CIT: variants seen among roughly 807,000 people sequenced by gnomAD.
CIT encodes citron Rho-interacting kinase.
CIT carries 79 observed loss-of-function variants against 272.7 expected under a neutral mutation model. That is an observed-to-expected ratio of 0.29 (90% confidence interval 0.24 to 0.35). The LOEUF is 0.35. Ranked by LOEUF, CIT falls within the 10% of genes least tolerant of loss-of-function variation. CIT has a pLI of 1.00. For missense variants in CIT, 1,909 were observed against 2,618.3 expected, an observed-to-expected ratio of 0.73 and a Z score of 5.91; for synonymous variants, 948 against 995.6, an observed-to-expected ratio of 0.95 and a Z score of 0.90.
intron 37 of CIT, chr12:119,711,079 AAC>A (rs1318420835): frequency 1.5e-6 from 2 of 1,366,836 alleles, no homozygotes; most frequent in South Asian, 1.1e-5. Flanking sequence ...GCTCGTAAGA[AAC>A]ACAGTCGCGG....
intron 20 of CIT, 72 bp downstream of exon 20, chr12:119,760,867 T>C: frequency 1.0e-6 from 1 of 962,174 alleles, no homozygotes; most frequent in Non-Finnish European, 1.7e-6. Flanking sequence ...AATAGAGTCT[T>C]ATCAGGGGTG....
intron 23 of CIT, among the ~76,000 whole-genome samples, chr12:119,746,513 T>C (rs1329239911): frequency 6.6e-6 from 1 of 152,182 alleles, no homozygotes; most frequent in African/African-American, 2.4e-5. Context: ...AAAGCATAAG[T>C]GGTGACCATA....
rs192590723 is a variant in CIT at position 119,817,557 on chromosome 12, G to A, written c.1111+5263C>T. ...TGGTTCAGTAAACTAGTGAGGGGAG[G>A]CCTACGAAGCATTAAACTTCCCACC... is the stretch of plus-strand genomic sequence containing the variant. On this transcript the variant is annotated intron_variant, in intron 9 of 47. Coordinates refer to ENST00000392521, the MANE Select transcript of CIT (RefSeq NM_001206999.2). 2.9e-3 allele frequency among the ~76,000 whole-genome samples: 444 copies of A among 151,650 alleles called. 3 individuals carry two copies. The highest frequency in any genetic ancestry group is 2.9e-3 in the Non-Finnish European group (195 of 67,872).
chr12:119,698,211 C>T (rs966263276), intron 44 of CIT, 157 bp from the exon 45 acceptor site: 16 of 675,172 alleles, frequency 2.4e-5, no homozygotes, highest in South Asian at 2.0e-4. Flanking sequence ...CATGCATGTT[C>T]GAGGATATTC....
chr12:119,759,457 C>T lies in CIT; in HGVS notation c.2422-757G>A, dbSNP rs954415273. Among the ~76,000 whole-genome samples, 5 of 152,248 alleles carry T rather than the reference C, an allele frequency of 3.3e-5. No individual in the cohort carries two copies. In the East Asian group the frequency reaches 5.8e-4, roughly 18 times the overall value. Reference sequence around the variant, plus strand: ...GGTCAGGAATTCCAGACCAGCCTGGCCAACATGGAGAAATGCTGTCTTTAC... The same window carrying T: ...GGTCAGGAATTCCAGACCAGCCTGGTCAACATGGAGAAATGCTGTCTTTAC... On this transcript the variant is annotated intron_variant, in intron 20 of 47. Coordinates refer to ENST00000392521, the MANE Select transcript of CIT (RefSeq NM_001206999.2).
At chr12:119,754,330 C>T (rs1278385594) in intron 22 of CIT, among the ~76,000 whole-genome samples, 2 of 152,192 alleles carry the variant, frequency 1.3e-5, no homozygotes, top group African/African-American at 4.8e-5. Context: ...CCTGCAACAT[C>T]CCTACGTGTC....
At chr12:119,757,003 C>T (rs1961074128) in intron 22 of CIT, among the ~76,000 whole-genome samples, 1 of 151,948 alleles carries the variant, frequency 6.6e-6, no homozygotes, top group South Asian at 2.1e-4. Flanking sequence ...GCCTGTAGTC[C>T]CAGCTACTCG....
intron 29 of CIT, 72 bp from the exon 30 acceptor site, chr12:119,720,657 AC>A: frequency 8.9e-7 from 1 of 1,125,884 alleles, no homozygotes; most frequent in Non-Finnish European, 1.3e-6. Flanking sequence ...ACTTTAAGAA[AC>A]TAAAAAGTGA....
intron 39 of CIT, among the ~76,000 whole-genome samples, 169 bp from the exon 40 acceptor site, chr12:119,708,487 T>TTTA: frequency 6.6e-6 from 1 of 152,080 alleles, no homozygotes; most frequent in African/African-American, 2.4e-5. Flanking sequence ...TTATTTATTT[T>TTTA]TTTTTTTTAA....
At chr12:119,752,319 T>A in intron 22 of CIT, 72 bp from the exon 23 acceptor site, 1 of 1,379,558 alleles carries the variant, frequency 7.2e-7, no homozygotes, top group South Asian at 1.4e-5. Context: ...AGTGAAGACA[T>A]GACCTGCTAC....
chr12:119,722,238 T>C (rs925298698), intron 28 of CIT, among the ~76,000 whole-genome samples: 3 of 152,174 alleles, frequency 2.0e-5, no homozygotes, highest in Non-Finnish European at 4.4e-5. Context: ...GGCATCCTGA[T>C]GAGACAGTGC....
At chr12:119,851,374 C>T (rs369747855) in intron 4 of CIT, among the ~76,000 whole-genome samples, 4 of 152,150 alleles carry the variant, frequency 2.6e-5, no homozygotes, top group African/African-American at 4.8e-5. Flanking sequence ...AGTGACACAC[C>T]GGTAGCAATG....
chr12:119,829,764 GC>G (rs63303060), intron 7 of CIT, among the ~76,000 whole-genome samples: 1,704 of 152,232 alleles, frequency 0.011, 31 homozygotes, highest in African/African-American at 0.039. Flanking sequence ...GAGTCACTAG[GC>G]CCTGTGTTTA....
In CIT at chr12:119,804,399, C is replaced by A; in HGVS notation, c.1112-1010G>T. On this transcript the variant is annotated intron_variant, in intron 9 of 47. Coordinates refer to ENST00000392521, the MANE Select transcript of CIT (RefSeq NM_001206999.2). The surrounding 1 kb of genome is among the most constrained non-coding windows in gnomAD (Gnocchi z 5.3). ...GCCGAGCATCACATCCCCCGCAGTG[C>A]AGGCTGCATGCTCCCGGCTCCGTGC... 1.0e-6 allele frequency: 1 copy of A among 985,698 alleles called. No individual in the cohort carries two copies. The highest frequency in any genetic ancestry group is 1.2e-6 in the Non-Finnish European group (1 of 830,124). The allele number at this position is 985,698 out of a possible 1,614,324, so 61.1% of individuals were successfully genotyped here. A position where few individuals can be genotyped will look rare whatever the true frequency, so the allele number is the denominator to read the frequency against.
Position 119,690,084 on chromosome 12 carries a change from G to T in CIT, c.6186+67C>A. 1 of 1,378,088 alleles carries T rather than the reference G, an allele frequency of 7.3e-7. No individual in the cohort carries two copies. The allele number at this position is 1,378,088 out of a possible 1,614,324, so 85.4% of individuals were successfully genotyped here. A position where few individuals can be genotyped will look rare whatever the true frequency, so the allele number is the denominator to read the frequency against. ...TTTTAAACAACAGTGGCCCCGTGGGGGCCTCAGTTCCCCAAGTCACTCCTG... is the reference window on the plus strand; with the variant it reads ...TTTTAAACAACAGTGGCCCCGTGGGTGCCTCAGTTCCCCAAGTCACTCCTG... On this transcript the variant is annotated intron_variant, in intron 47 of 47. Coordinates refer to ENST00000392521, the MANE Select transcript of CIT (RefSeq NM_001206999.2). This position sits in a 1 kb window ranked among gnomAD's most constrained non-coding sequence, Gnocchi z 6.0.
In CIT at chr12:119,824,764, C is replaced by T. The variant is rs570387349; in HGVS notation, c.957+401G>A. On this transcript the variant is annotated intron_variant, in intron 8 of 47. Transcript: ENST00000392521. The stretch of plus-strand genomic sequence containing the variant: ...CAATTTTTAAACAACATTCTAGAAA[C>T]ATTCATTCACACAATTTTTTGGTTT... Among the ~76,000 whole-genome samples the T allele has an allele frequency of 7.9e-5, 12 of 152,210 alleles. No homozygotes were observed. In the South Asian group the frequency reaches 2.3e-3, roughly 29 times the overall value.
At chr12:119,827,246 T>C (rs1968247848) in intron 7 of CIT, among the ~76,000 whole-genome samples, 1 of 152,012 alleles carries the variant, frequency 6.6e-6, no homozygotes, top group Admixed American at 6.6e-5. Context: ...GGGGAAAATA[T>C]TTGGCCTAAG....
chr12:119,787,211 C>T (rs1266076007), intron 10 of CIT, among the ~76,000 whole-genome samples: 2 of 151,968 alleles, frequency 1.3e-5, no homozygotes, highest in East Asian at 1.9e-4. Flanking sequence ...GCAATCCGCC[C>T]GCCTCAGTCT....
At position 119,804,088 on chromosome 12, in the gene CIT, A is replaced by G. The variant is rs1301212946; in HGVS notation, c.1112-699T>C. 2.4e-6 allele frequency: 2 copies of G among 839,140 alleles called. No individual in the cohort carries two copies. Among genetic ancestry groups the G allele is most frequent in the African/African-American group, 1.9e-5 (1 of 53,978 alleles). The allele number at this position is 839,140 out of a possible 1,614,324, so 52.0% of individuals were successfully genotyped here. A position where few individuals can be genotyped will look rare whatever the true frequency, so the allele number is the denominator to read the frequency against. ...GCATAATGAAGCACCAGCCAAATAA[A>G]GTTCCTACCGGTGATCTACAGCACC... On this transcript the variant is annotated intron_variant, in intron 9 of 47. Coordinates refer to ENST00000392521, the MANE Select transcript of CIT (RefSeq NM_001206999.2). The surrounding 1 kb of genome is among the most constrained non-coding windows in gnomAD (Gnocchi z 5.3).
Sources: allele counts gnomAD v4.1 joint callset (sites outside exome capture counted in the v4.1 genomes callset), GRCh38; gene constraint gnomAD v4.1.1; non-coding constraint Gnocchi (gnomAD v3.1); transcripts MANE v1.5; gene names NCBI Gene and HGNC (gene_info 2026-07-23, HGNC 2026-07-21).